LRP1B: variants seen among roughly 807,000 people sequenced by gnomAD.
The protein encoded by LRP1B is LDL receptor related protein 1B.
In LRP1B, 217 loss-of-function variants were observed where a neutral mutation model predicts 556.6. That is an observed-to-expected ratio of 0.39 (90% CI 0.35 to 0.44). The LOEUF (loss-of-function observed/expected upper bound fraction) is 0.44, where lower values mean the gene tolerates loss of function less well. Among genes scored for constraint, LRP1B ranks in the 20% least tolerant of loss-of-function variants. The pLI is 1.00. For synonymous variants in LRP1B, 2,047 were observed against 1,865.8 expected (o/e 1.10, Z -2.50); for missense variants, 5,053 against 5,620.8 (o/e 0.90, Z 3.23).
chr2:140,570,151 A>G (rs1344765153), intron 43 of LRP1B, among the ~76,000 whole-genome samples: 1 of 151,774 alleles, frequency 6.6e-6, no homozygotes, highest in Non-Finnish European at 1.5e-5. Flanking sequence ...AACAAAACTC[A>G]ACATTAGTAG....
chr2:140,335,855 C>T lies in LRP1B; in HGVS notation c.11893-17G>A, dbSNP rs553227159. On this transcript the variant is annotated splice_polypyrimidine_tract_variant and intron_variant, in intron 77 of 90. Coordinates refer to ENST00000389484, the MANE Select transcript of LRP1B (RefSeq NM_018557.3). ...TTCAGGACACTACAAGGAAACAAAA[C>T]AACACACCACGGTATTTTCAACAGG... The T allele has an allele frequency of 1.4e-6, 2 of 1,458,948 alleles. No individual in the cohort carries two copies. Among genetic ancestry groups the T allele is most frequent in the South Asian group, 2.3e-5 (2 of 87,756 alleles). 90.4% of individuals were successfully genotyped at this position (1,458,948 alleles called of 1,614,324 possible).
intron 17 of LRP1B, among the ~76,000 whole-genome samples, chr2:140,983,884 A>G (rs577699080): frequency 1.3e-5 from 2 of 152,054 alleles, no homozygotes; most frequent in South Asian, 2.1e-4. Context: ...ATTCCAGCAA[A>G]CATGTATGCT....
At chr2:141,005,121 A>G (rs1697533291) in intron 15 of LRP1B, among the ~76,000 whole-genome samples, 1 of 152,030 alleles carries the variant, frequency 6.6e-6, no homozygotes, top group African/African-American at 2.4e-5. Flanking sequence ...TAAATCACCC[A>G]TAGCAGTGAA....
intron 59 of LRP1B, among the ~76,000 whole-genome samples, chr2:140,480,194 T>C (rs538403734): frequency 2.6e-5 from 4 of 152,342 alleles, no homozygotes; most frequent in Admixed American, 2.6e-4. Flanking sequence ...TAGGCACAAT[T>C]AGAAAATGTT....
chr2:141,440,951 T>A (rs1680940931), intron 3 of LRP1B, among the ~76,000 whole-genome samples: 1 of 152,136 alleles, frequency 6.6e-6, no homozygotes, highest in African/African-American at 2.4e-5. Flanking sequence ...CTACTAAACA[T>A]TGTACAAGCA....
intron 1 of LRP1B, among the ~76,000 whole-genome samples, chr2:142,002,191 C>T (rs920670346): frequency 6.6e-6 from 1 of 152,036 alleles, no homozygotes; most frequent in African/African-American, 2.4e-5. Context: ...GAGTCTATCT[C>T]GGGACATTAA....
intron 43 of LRP1B, among the ~76,000 whole-genome samples, chr2:140,572,029 A>G (rs952561899): frequency 6.6e-6 from 1 of 151,812 alleles, no homozygotes; most frequent in Non-Finnish European, 1.5e-5. Context: ...ACTTGAAGCT[A>G]TAAAACTACT....
At chr2:141,410,653 GT>G (rs1690818545) in intron 3 of LRP1B, among the ~76,000 whole-genome samples, 2 of 151,944 alleles carry the variant, frequency 1.3e-5, no homozygotes, top group Non-Finnish European at 2.9e-5. Context: ...AAGGAATGGT[GT>G]TTTTTACTGA....
chr2:140,462,955 C>T (rs151322213), intron 60 of LRP1B, among the ~76,000 whole-genome samples: 1 of 152,044 alleles, frequency 6.6e-6, no homozygotes, highest in Non-Finnish European at 1.5e-5. Context: ...AGAATAAGAG[C>T]ACAATGAGAT....
intron 2 of LRP1B, among the ~76,000 whole-genome samples, chr2:141,662,206 G>A (rs1690245938): frequency 6.6e-6 from 1 of 152,112 alleles, no homozygotes; most frequent in Non-Finnish European, 1.5e-5. Context: ...AGGAAAGCAT[G>A]TTACCAGCCA....
At chr2:141,987,419 T>G (rs1353072706) in intron 1 of LRP1B, among the ~76,000 whole-genome samples, 2 of 151,962 alleles carry the variant, frequency 1.3e-5, no homozygotes, top group Non-Finnish European at 2.9e-5. Context: ...TTCATAAATG[T>G]TTCTCCTTTA....
At chr2:140,599,901 G>A (rs1291687068) in intron 42 of LRP1B, among the ~76,000 whole-genome samples, 1 of 151,938 alleles carries the variant, frequency 6.6e-6, no homozygotes, top group African/African-American at 2.4e-5. Flanking sequence ...ACTTTGATTT[G>A]CGATTTAGGA....
chr2:141,379,725 G>C (rs1251280271), intron 3 of LRP1B, among the ~76,000 whole-genome samples: 1 of 152,046 alleles, frequency 6.6e-6, no homozygotes, highest in African/African-American at 2.4e-5. Flanking sequence ...TGAGTTGATA[G>C]GACCCAGCAT....
chr2:141,927,453 T>C (rs1700364283), intron 1 of LRP1B, among the ~76,000 whole-genome samples: 1 of 152,170 alleles, frequency 6.6e-6, no homozygotes, highest in South Asian at 2.1e-4. Flanking sequence ...GCAAAACATG[T>C]CCATATTTTG....
chr2:141,235,258 A>T (rs892846445), intron 5 of LRP1B, among the ~76,000 whole-genome samples: 4 of 151,762 alleles, frequency 2.6e-5, no homozygotes, highest in South Asian at 2.1e-4. Flanking sequence ...TTAATTAATT[A>T]ATTTATCTAG....
At chr2:141,065,384 G>A (rs997516198) in intron 7 of LRP1B, among the ~76,000 whole-genome samples, 1 of 151,844 alleles carries the variant, frequency 6.6e-6, no homozygotes, top group Non-Finnish European at 1.5e-5. Context: ...TTCAAAATTT[G>A]CCTTTTGACA....
intron 1 of LRP1B, among the ~76,000 whole-genome samples, chr2:141,909,477 T>C (rs1397439627): frequency 6.7e-6 from 1 of 149,506 alleles, no homozygotes; most frequent in Non-Finnish European, 1.5e-5. Flanking sequence ...TTGCATGGGG[T>C]AACTGGTTCA....
At chr2:140,615,048 G>C (rs1440468044) in intron 41 of LRP1B, among the ~76,000 whole-genome samples, 1 of 151,724 alleles carries the variant, frequency 6.6e-6, no homozygotes, top group African/African-American at 2.4e-5. Flanking sequence ...GGGCTCAGGA[G>C]TTATGTAACA....
intron 2 of LRP1B, among the ~76,000 whole-genome samples, chr2:141,547,438 T>A (rs1685594536): frequency 1.1e-5 from 1 of 89,798 alleles, no homozygotes; most frequent in Non-Finnish European, 3.0e-5. Context: ...CTGGACATGT[T>A]TTTTCCCAGT....
Sources: gnomAD v4.1 joint callset for allele counts (sites outside exome capture counted in the v4.1 genomes callset) on GRCh38, gnomAD v4.1.1 for gene constraint, MANE v1.5 for transcripts, NCBI Gene and HGNC (gene_info 2026-07-23, HGNC 2026-07-21) for gene names.